PKHD1: variants seen among roughly 807,000 people sequenced by gnomAD.
PKHD1 encodes PKHD1 ciliary IPT domain containing fibrocystin/polyductin.
Under a neutral mutation model 412.0 loss-of-function variants are expected in PKHD1, and 291 were observed. That is an observed-to-expected ratio of 0.71 (90% confidence interval 0.64 to 0.78). The LOEUF (loss-of-function observed/expected upper bound fraction) is 0.78, where lower values mean the gene tolerates loss of function less well. PKHD1 is among the 30% of genes least tolerant of loss of function. The pLI, the probability that PKHD1 is intolerant of heterozygous loss-of-function variation, is 0.00. For synonymous variants in PKHD1, 1,777 were observed against 1,821.5 expected (o/e 0.98, Z 0.62); for missense variants, 4,825 against 4,950.7 (o/e 0.97, Z 0.76).
At chr6:52,006,235 T>C (rs1799026293) in intron 35 of PKHD1, among the ~76,000 whole-genome samples, 3 of 151,560 alleles carry the variant, frequency 2.0e-5, no homozygotes, top group African/African-American at 7.3e-5. Flanking sequence ...AGTGCAATGG[T>C]GCAATCTTAG....
At position 52,072,148 on chromosome 6, in the gene PKHD1, G is replaced by A; in HGVS notation, c.569C>T (p.Pro190Leu). 6.2e-7 allele frequency: 1 copy of A among 1,610,498 alleles called. No individual in the cohort carries two copies. The highest frequency in any genetic ancestry group is 8.5e-7 in the Non-Finnish European group (1 of 1,176,800). Residue 190 changes from proline to leucine, a missense_variant, in exon 8 of 67, where the codon CCT (proline) becomes CTT (leucine). Physicochemically the swap from Pro to Leu is moderately conservative, Grantham distance 98. Coordinates refer to ENST00000371117, the MANE Select transcript of PKHD1 (RefSeq NM_138694.4). ...LEAQGDKWVT[P>L]CSLINRQMGS... ...CATCTGCCTATTTATAAGAGAGCAA[G>A]GAGTAACCCATTTGTCTCCTTGAGC...
intron 37 of PKHD1, among the ~76,000 whole-genome samples, chr6:51,923,621 A>G (rs1002365847): frequency 6.6e-6 from 1 of 152,218 alleles, no homozygotes; most frequent in Admixed American, 6.5e-5. Flanking sequence ...GGCAGAAACC[A>G]TAAGAGAAAA....
chr6:51,962,579 T>C (rs1451863228), intron 35 of PKHD1, among the ~76,000 whole-genome samples: 1 of 152,112 alleles, frequency 6.6e-6, no homozygotes, highest in South Asian at 2.1e-4. Context: ...TTATCTCTAC[T>C]TTCCAGTGGA....
intron 46 of PKHD1, among the ~76,000 whole-genome samples, chr6:51,882,622 G>C (rs1316776937): frequency 6.6e-6 from 1 of 152,158 alleles, no homozygotes. Context: ...ATGGCAGCCA[G>C]GAACCCCCAC....
intron 35 of PKHD1, among the ~76,000 whole-genome samples, chr6:51,994,352 G>A (rs1797454490): frequency 6.6e-6 from 1 of 151,934 alleles, no homozygotes; most frequent in African/African-American, 2.4e-5. Context: ...AGCCAGGATG[G>A]TCTCGATCTC....
intron 53 of PKHD1, among the ~76,000 whole-genome samples, chr6:51,779,859 T>C (rs1197702367): frequency 6.6e-6 from 1 of 151,962 alleles, no homozygotes; most frequent in Non-Finnish European, 1.5e-5. Context: ...ATAACAGGCA[T>C]AGATGGAAAA....
intron 66 of PKHD1, among the ~76,000 whole-genome samples, chr6:51,620,778 T>TTA (rs1561970989): frequency 6.8e-6 from 1 of 146,152 alleles, no homozygotes; most frequent in Non-Finnish European, 1.5e-5. Flanking sequence ...AGTAATAACA[T>TTA]TATATATACA....
intron 14 of PKHD1, among the ~76,000 whole-genome samples, chr6:52,060,845 A>G (rs1366652430): frequency 6.6e-6 from 1 of 152,108 alleles, no homozygotes; most frequent in African/African-American, 2.4e-5. Context: ...AAAGTCCACA[A>G]TATAATTATA....
chr6:51,918,472 G>C (rs570287515), intron 37 of PKHD1, among the ~76,000 whole-genome samples: 46 of 152,210 alleles, frequency 3.0e-4, no homozygotes, highest in African/African-American at 1.0e-3. Flanking sequence ...GTGTTAGTTT[G>C]CTGAGAATGA....
intron 35 of PKHD1, 56 bp downstream of exon 35, chr6:52,010,253 A>T (rs1256383304): frequency 6.7e-7 from 1 of 1,500,112 alleles, no homozygotes; most frequent in African/African-American, 1.4e-5. Flanking sequence ...TGTACACAAT[A>T]TTACAAATTT....
Position 51,970,738 on chromosome 6 carries a change from T to C in PKHD1, c.5752-10712A>G, listed in dbSNP as rs138868101. 1.5e-4 allele frequency among the ~76,000 whole-genome samples: 23 copies of C among 152,344 alleles called. No homozygotes were observed. The East Asian group carries it at 4.2e-3, about 28-fold the overall frequency. Reference sequence around the variant, plus strand: ...TCCCCACTGTATGTTTTTGTTGGCTTTGTCAAAGATTAGTTGGTTGTAGAC... The same window carrying C: ...TCCCCACTGTATGTTTTTGTTGGCTCTGTCAAAGATTAGTTGGTTGTAGAC... On this transcript the variant is annotated intron_variant, in intron 35 of 66. Coordinates refer to ENST00000371117, the MANE Select transcript of PKHD1 (RefSeq NM_138694.4).
At chr6:51,943,783 C>A (rs1363006303) in intron 36 of PKHD1, among the ~76,000 whole-genome samples, 1 of 151,412 alleles carries the variant, frequency 6.6e-6, no homozygotes, top group African/African-American at 2.4e-5. Flanking sequence ...AACAACCCCA[C>A]AATATCACCC....
At chr6:51,626,313 A>G (rs1224393075) in intron 66 of PKHD1, among the ~76,000 whole-genome samples, 3 of 152,216 alleles carry the variant, frequency 2.0e-5, no homozygotes, top group African/African-American at 7.2e-5. Context: ...TGGAAATTAT[A>G]TGAATATTTT....
intron 49 of PKHD1, among the ~76,000 whole-genome samples, chr6:51,852,652 T>G (rs1277714631): frequency 6.6e-6 from 1 of 152,200 alleles, no homozygotes; most frequent in Non-Finnish European, 1.5e-5. Flanking sequence ...CCCTTTACCA[T>G]TATGTAATAC....
intron 65 of PKHD1, among the ~76,000 whole-genome samples, chr6:51,628,704 A>G (rs1767579897): frequency 6.6e-6 from 1 of 152,196 alleles, no homozygotes; most frequent in Non-Finnish European, 1.5e-5. Context: ...GTGTATCAGC[A>G]TTCCCTTTTC....
intron 66 of PKHD1, 134 bp downstream of exon 66, chr6:51,626,863 T>C (rs1209058706): frequency 2.3e-6 from 2 of 881,942 alleles, no homozygotes; most frequent in East Asian, 2.4e-5. Context: ...TATAATTTCT[T>C]TGAAGGAAAG....
At chr6:51,635,981 C>T (rs913560202) in intron 64 of PKHD1, among the ~76,000 whole-genome samples, 73 of 152,022 alleles carry the variant, frequency 4.8e-4, no homozygotes, top group African/African-American at 1.8e-3. Flanking sequence ...GTCATAAAAG[C>T]CACAGCCTAC....
At chr6:51,721,683 A>T in intron 60 of PKHD1, 1 of 1,247,714 alleles carries the variant, frequency 8.0e-7, no homozygotes, top group Non-Finnish European at 1.0e-6. Flanking sequence ...TGGAACTTCC[A>T]TTCCCAAAGA....
chr6:51,684,230 A>G (rs1365046079), intron 60 of PKHD1, among the ~76,000 whole-genome samples: 1 of 152,140 alleles, frequency 6.6e-6, no homozygotes, highest in Non-Finnish European at 1.5e-5. Flanking sequence ...AAATGTTAGA[A>G]GCAGCCTGGT....
Sources: gnomAD v4.1 joint callset for allele counts (sites outside exome capture counted in the v4.1 genomes callset) on GRCh38, gnomAD v4.1.1 for gene constraint, MANE v1.5 for transcripts, NCBI Gene and HGNC (gene_info 2026-07-23, HGNC 2026-07-21) for gene names.